The following HDX variants were observed in gnomAD, a reference collection of about 807,000 sequenced individuals.
The protein encoded by HDX is highly divergent homeobox.
Under a neutral mutation model 45.2 loss-of-function variants are expected in HDX, and 19 were observed. That is an observed-to-expected ratio of 0.42 (90% CI 0.29 to 0.62). The LOEUF is 0.62. Among genes scored for constraint, HDX ranks in the 20% least tolerant of loss-of-function variants. The pLI is 0.20. For missense variants in HDX, 532 were observed against 493.9 expected (o/e 1.08, Z -0.73); for synonymous variants, 188 against 172.8 (o/e 1.09, Z -0.69).
In HDX at chrX:84,321,882, A is replaced by T; in HGVS notation, c.*7T>A. On this transcript the variant is annotated 3_prime_UTR_variant, in exon 11 of 11. Coordinates refer to ENST00000373177, the MANE Select transcript of HDX (RefSeq NM_001177479.2). ...AAGACTGTATCATATATTCCCTCCA[A>T]CTGAAATCACAAACTTTCTGAGACA... is the stretch of plus-strand genomic sequence containing the variant. The T allele has an allele frequency of 1.7e-6, 2 of 1,188,724 alleles. No individual in the cohort carries two copies. The highest frequency in any genetic ancestry group is 2.3e-6 in the Non-Finnish European group (2 of 882,175).
At chrX:84,429,425 A>C (rs1348018623) in intron 5 of HDX, among the ~76,000 whole-genome samples, 2 of 110,698 alleles carry the variant, frequency 1.8e-5, no homozygotes, top group Non-Finnish European at 3.8e-5. Context: ...TCAGTATTTC[A>C]TATTTTACGT....
At chrX:84,439,119 C>A (rs1046967117) in intron 5 of HDX, among the ~76,000 whole-genome samples, 1 of 111,277 alleles carries the variant, frequency 9.0e-6, no homozygotes, top group Non-Finnish European at 1.9e-5. Context: ...GAGATGGTAT[C>A]TCATTGTGGT....
chrX:84,383,179 T>A (rs1228607891), intron 5 of HDX, among the ~76,000 whole-genome samples: 1 of 110,875 alleles, frequency 9.0e-6, no homozygotes, highest in Non-Finnish European at 1.9e-5. Context: ...GGTGAAAAAC[T>A]TTTGGGAAGG....
At chrX:84,480,954 T>C (rs1265744459) in intron 2 of HDX, among the ~76,000 whole-genome samples, 1 of 111,280 alleles carries the variant, frequency 9.0e-6, no homozygotes, top group African/African-American at 3.3e-5. Flanking sequence ...AAATCACCAA[T>C]GAAACCATCT....
At chrX:84,466,053 T>C (rs10156950) in intron 4 of HDX, among the ~76,000 whole-genome samples, 2 of 112,004 alleles carry the variant, frequency 1.8e-5, no homozygotes, top group Non-Finnish European at 3.8e-5. Flanking sequence ...AGGTCTGATA[T>C]AGTATAACAA....
rs73239187 is a variant in HDX at position 84,468,053 on chromosome X, G to C, written c.1251+419C>G. Among the ~76,000 whole-genome samples, 466 of 111,134 alleles carry C rather than the reference G, an allele frequency of 4.2e-3. 2 individuals are homozygous for C. Among genetic ancestry groups the C allele is most frequent in the Middle Eastern group, 9.2e-3 (2 of 217 alleles). On this transcript the variant is annotated intron_variant, in intron 4 of 10. Transcript: ENST00000373177. ...CAGCACCTAAAGAAATTATTGACTT[G>C]CCTGGTTATGTACCAGGGAAGCCAC... is the stretch of plus-strand genomic sequence containing the variant.
intron 5 of HDX, among the ~76,000 whole-genome samples, chrX:84,438,696 C>T (rs1490897408): frequency 9.0e-6 from 1 of 111,153 alleles, no homozygotes; most frequent in Non-Finnish European, 1.9e-5. Context: ...CCTCCAGCTG[C>T]ATCTATGTTG....
rs140503479 is a variant in HDX at position 84,460,527 on chromosome X, T to C, written c.1251+7945A>G. 3.4e-3 allele frequency among the ~76,000 whole-genome samples: 380 copies of C among 111,372 alleles called. 3 individuals are homozygous for C. Among genetic ancestry groups the C allele is most frequent in the African/African-American group, 0.011 (350 of 30,626 alleles). On this transcript the variant is annotated intron_variant, in intron 4 of 10. Coordinates refer to ENST00000373177, the MANE Select transcript of HDX (RefSeq NM_001177479.2). ...AAAAAGAAAAATGATTCTCAAAAAC[T>C]GGGTACAGGAGGAGCATACCACAAC...
At chrX:84,464,447 A>T (rs1354224409) in intron 4 of HDX, among the ~76,000 whole-genome samples, 1 of 111,846 alleles carries the variant, frequency 8.9e-6, no homozygotes, top group African/African-American at 3.3e-5. Flanking sequence ...TACAGTAACC[A>T]AAACAGCATG....
At chrX:84,344,142 C>A in intron 7 of HDX, 108 bp downstream of exon 7, 1 of 557,815 alleles carries the variant, frequency 1.8e-6, no homozygotes, top group Non-Finnish European at 2.9e-6. Flanking sequence ...AAATACTTGG[C>A]CAAATGTTTT....
At chrX:84,403,232 A>G (rs2038745536) in intron 5 of HDX, among the ~76,000 whole-genome samples, 1 of 67,939 alleles carries the variant, frequency 1.5e-5, no homozygotes, top group South Asian at 5.6e-4. Flanking sequence ...GAAGCATTAA[A>G]CATTCTAAAT....
At chrX:84,405,575 A>G (rs2038797733) in intron 5 of HDX, among the ~76,000 whole-genome samples, 1 of 95,606 alleles carries the variant, frequency 1.0e-5, no homozygotes, top group Non-Finnish European at 2.0e-5. Context: ...AGCATTGACT[A>G]CTGGATTTTC....
Position 84,469,586 on chromosome X carries a change from A to G in HDX, c.148-11T>C, listed in dbSNP as rs1602515959. 8.8e-7 allele frequency: 1 copy of G among 1,136,787 alleles called. No homozygotes were observed. Among genetic ancestry groups the G allele is most frequent in the Non-Finnish European group, 1.2e-6 (1 of 859,294 alleles). 93.7% of individuals were successfully genotyped at this position (1,136,787 alleles called of 1,213,427 possible). A position where few individuals can be genotyped will look rare whatever the true frequency, so the allele number is the denominator to read the frequency against. The stretch of plus-strand genomic sequence containing the variant: ...ATTGCCAACCCACGTCTGGAAGGAT[A>G]AAACATGGTATTATGAAAAAAAAAT... On this transcript the variant is annotated splice_polypyrimidine_tract_variant and intron_variant, in intron 3 of 10. Coordinates refer to ENST00000373177, the MANE Select transcript of HDX (RefSeq NM_001177479.2).
intron 4 of HDX, among the ~76,000 whole-genome samples, chrX:84,454,734 C>T (rs868537832): frequency 1.4e-4 from 16 of 110,875 alleles, no homozygotes; most frequent in South Asian, 3.9e-4. Context: ...TAGGCAGTAA[C>T]GAGGCTATAA....
chrX:84,358,023 T>C (rs1233069396), intron 6 of HDX, among the ~76,000 whole-genome samples: 2 of 111,858 alleles, frequency 1.8e-5, no homozygotes, highest in Non-Finnish European at 3.8e-5. Flanking sequence ...GAATGGAAAC[T>C]GGAAGGCATC....
chrX:84,443,212 T>C (rs2039799510), intron 4 of HDX, among the ~76,000 whole-genome samples: 1 of 111,752 alleles, frequency 8.9e-6, no homozygotes. Flanking sequence ...GTCAGAGTAA[T>C]TGAATTTGTA....
chrX:84,475,828 C>A (rs1220162715), intron 2 of HDX, among the ~76,000 whole-genome samples: 1 of 111,369 alleles, frequency 9.0e-6, no homozygotes, highest in Non-Finnish European at 1.9e-5. Context: ...GTCTTATAGC[C>A]AGAAGCTGTA....
chrX:84,488,082 C>T lies in HDX; in HGVS notation c.-59G>A, dbSNP rs1001155471. ...CCTCAATCTGCCTGCTTTTGTTTAC[C>T]TTTAGGAGTTCTGAGGGAGTTTCTC... On this transcript the variant is annotated 5_prime_UTR_variant, in exon 2 of 11. Transcript: ENST00000373177. The T allele has an allele frequency of 2.7e-5, 3 of 111,223 alleles. No homozygotes were observed. Among genetic ancestry groups the T allele is most frequent in the Non-Finnish European group, 5.7e-5 (3 of 53,024 alleles). The allele number at this position is 111,223 out of a possible 1,213,427, so 9.2% of individuals were successfully genotyped here.
At chrX:84,487,761 C>T (rs745934331) in intron 2 of HDX, among the ~76,000 whole-genome samples, 5 of 112,202 alleles carry the variant, frequency 4.5e-5, no homozygotes, top group African/African-American at 6.5e-5. Flanking sequence ...GTCCTCTAGA[C>T]AGAAATATAG....
Sources: gnomAD v4.1 joint callset for allele counts (sites outside exome capture counted in the v4.1 genomes callset) on GRCh38, gnomAD v4.1.1 for gene constraint, MANE v1.5 for transcripts, NCBI Gene and HGNC (gene_info 2026-07-23, HGNC 2026-07-21) for gene names.